Variants in STX8 observed in about 807,000 individuals in gnomAD.
STX8 encodes syntaxin 8, also known as syntaxin-8.
A neutral mutation model predicts 37.5 loss-of-function variants in STX8; 23 were observed. The observed-to-expected ratio is 0.61, with a 90% CI of 0.44 to 0.87. The LOEUF is 0.87. Among genes scored for constraint, STX8 ranks in the 40% least tolerant of loss-of-function variants. The probability of loss-of-function intolerance (pLI) is 0.00; values close to 1 mark genes in which losing one functional copy is unlikely to be tolerated. For missense variants in STX8, 313 were observed against 284.7 expected, an observed-to-expected ratio of 1.10 and a Z score of -0.71; for synonymous variants, 115 against 99.1, an observed-to-expected ratio of 1.16 and a Z score of -0.95.
chr17:9,265,647 C>G (rs367994272), intron 7 of STX8, among the ~76,000 whole-genome samples: 13 of 152,342 alleles, frequency 8.5e-5, no homozygotes, highest in African/African-American at 3.1e-4. Flanking sequence ...GCAGAAATAA[C>G]ACTGATATCC....
At chr17:9,422,107 T>A (rs1180207263) in intron 6 of STX8, among the ~76,000 whole-genome samples, 1 of 145,828 alleles carries the variant, frequency 6.9e-6, no homozygotes, top group Non-Finnish European at 1.5e-5. Flanking sequence ...GGGTAGTAGT[T>A]TTTTTTTTTT....
intron 7 of STX8, among the ~76,000 whole-genome samples, chr17:9,317,718 A>G (rs372359155): frequency 6.6e-6 from 1 of 151,202 alleles, no homozygotes; most frequent in South Asian, 2.1e-4. Context: ...GTGAGCCGAG[A>G]TTGCACCACT....
At chr17:9,254,889 T>C (rs1906730039) in intron 7 of STX8, among the ~76,000 whole-genome samples, 1 of 152,110 alleles carries the variant, frequency 6.6e-6, no homozygotes, top group African/African-American at 2.4e-5. Flanking sequence ...TGAGTAAATG[T>C]ATTGAATTTT....
At position 9,505,063 on chromosome 17, in the gene STX8, C is replaced by A; in HGVS notation, c.423G>T (p.Arg141=). The change falls in exon 5 of 8, where the codon CGG becomes CGT. Residue 141 remains arginine, a synonymous_variant. Coordinates refer to ENST00000306357, the MANE Select transcript of STX8 (RefSeq NM_004853.3). ...CTTGGATAATTTTCTGCTGCTGTTG[C>A]CGGATTTCATCAAAACCCAAGCCTC... ...ETRGLGFDEI[R]QQQQKIIQEQ... 6.2e-7 allele frequency: 1 copy of A among 1,612,144 alleles called. No homozygotes were observed. Among genetic ancestry groups the A allele is most frequent in the Non-Finnish European group, 8.5e-7 (1 of 1,178,936 alleles).
chr17:9,288,394 G>A (rs1238217759), intron 7 of STX8, among the ~76,000 whole-genome samples: 2 of 152,010 alleles, frequency 1.3e-5, no homozygotes, highest in African/African-American at 2.4e-5. Flanking sequence ...GGGCGCGGTG[G>A]CTCACGCCTG....
chr17:9,428,489 C>T (rs948240414), intron 6 of STX8, among the ~76,000 whole-genome samples: 1 of 152,190 alleles, frequency 6.6e-6, no homozygotes, highest in Non-Finnish European at 1.5e-5. Flanking sequence ...ATCCACCCGC[C>T]TTGGCCTCCC....
intron 7 of STX8, among the ~76,000 whole-genome samples, chr17:9,310,985 T>A (rs1398043738): frequency 6.6e-6 from 1 of 152,108 alleles, no homozygotes; most frequent in Non-Finnish European, 1.5e-5. Flanking sequence ...GTGCCTGTAA[T>A]CCTAGCACTT....
chr17:9,341,728 C>T (rs8071093), intron 7 of STX8, among the ~76,000 whole-genome samples: 81,118 of 151,952 alleles, frequency 0.53, 22,251 homozygotes, highest in African/African-American at 0.64. Flanking sequence ...TGAGCCACCG[C>T]GCCCGGCCAA....
intron 6 of STX8, among the ~76,000 whole-genome samples, chr17:9,397,929 C>A (rs6503195): frequency 0.58 from 85,743 of 147,584 alleles, 25,547 homozygotes; most frequent in East Asian, 0.77. Flanking sequence ...CAGAGGTTGC[C>A]GTGAGCCGAG....
intron 5 of STX8, among the ~76,000 whole-genome samples, chr17:9,499,287 T>C (rs1483599000): frequency 6.6e-6 from 1 of 152,182 alleles, no homozygotes; most frequent in African/African-American, 2.4e-5. Context: ...CTTCAGCACA[T>C]TGTCAAGATT....
chr17:9,529,852 C>T (rs1228595523), intron 4 of STX8, among the ~76,000 whole-genome samples: 4 of 152,112 alleles, frequency 2.6e-5, no homozygotes, highest in South Asian at 4.1e-4. Context: ...TAAACAGAGA[C>T]GCCTGTAGTC....
At chr17:9,404,579 C>A (rs1011345886) in intron 6 of STX8, among the ~76,000 whole-genome samples, 1 of 152,030 alleles carries the variant, frequency 6.6e-6, no homozygotes, top group East Asian at 1.9e-4. Context: ...CTCAGCCTCC[C>A]GAGTGGCTGG....
chr17:9,386,049 A>G lies in STX8; in HGVS notation c.542-7396T>C, dbSNP rs926879909. ...TCGGCTGGGATTACAGGCATGAGCC[A>G]TCATGCCTGGCTCACTCCTAGGTAT... On this transcript the variant is annotated intron_variant, in intron 6 of 7. Transcript: ENST00000306357. 3.3e-5 allele frequency among the ~76,000 whole-genome samples: 5 copies of G among 151,250 alleles called. No homozygotes were observed. The Admixed American group carries it at 3.3e-4, about 10-fold the overall frequency.
At chr17:9,301,685 G>A (rs1021919967) in intron 7 of STX8, among the ~76,000 whole-genome samples, 2 of 151,656 alleles carry the variant, frequency 1.3e-5, no homozygotes, top group African/African-American at 4.8e-5. Context: ...GTAGAGACGG[G>A]GTTTCACCGT....
At chr17:9,304,532 A>G (rs1908900650) in intron 7 of STX8, among the ~76,000 whole-genome samples, 1 of 149,906 alleles carries the variant, frequency 6.7e-6, no homozygotes, top group Admixed American at 6.6e-5. Context: ...AAAAAAAAGA[A>G]AAAAGAAAGA....
intron 7 of STX8, among the ~76,000 whole-genome samples, chr17:9,354,822 A>G (rs1910825507): frequency 1.3e-5 from 2 of 152,124 alleles, no homozygotes; most frequent in Non-Finnish European, 2.9e-5. Flanking sequence ...TCTCTATTCT[A>G]GAACAGCTGT....
chr17:9,439,391 G>A (rs758640822), intron 6 of STX8, among the ~76,000 whole-genome samples: 3 of 152,162 alleles, frequency 2.0e-5, no homozygotes, highest in Non-Finnish European at 4.4e-5. Context: ...TAATGTAGCA[G>A]CATACAATGT....
chr17:9,515,510 C>CTCAT (rs1318962246), intron 4 of STX8, among the ~76,000 whole-genome samples: 1 of 151,672 alleles, frequency 6.6e-6, no homozygotes, highest in Non-Finnish European at 1.5e-5. Context: ...CTCTCTCTCT[C>CTCAT]TCATTCATTC....
intron 7 of STX8, among the ~76,000 whole-genome samples, chr17:9,255,785 G>A (rs1475245055): frequency 6.6e-6 from 1 of 152,192 alleles, no homozygotes; most frequent in Non-Finnish European, 1.5e-5. Flanking sequence ...GGTCAACTGA[G>A]GAGGTCGTTT....
Sources: allele counts gnomAD v4.1 joint callset (sites outside exome capture counted in the v4.1 genomes callset), GRCh38; gene constraint gnomAD v4.1.1; transcripts MANE v1.5; gene names NCBI Gene and HGNC (gene_info 2026-07-23, HGNC 2026-07-21).